CDK20: variants seen among roughly 807,000 people sequenced by gnomAD.
The protein encoded by CDK20 is cyclin dependent kinase 20, also known as cyclin-dependent kinase 20.
In CDK20, 40 loss-of-function variants were observed where a neutral mutation model predicts 38.6. The observed-to-expected ratio is 1.04, with a 90% confidence interval of 0.81 to 1.35. The LOEUF (loss-of-function observed/expected upper bound fraction) is 1.35, where lower values mean the gene tolerates loss of function less well. Among genes scored for constraint, CDK20 ranks in the 40% most tolerant of loss-of-function variants. The pLI is 0.00. For synonymous variants in CDK20, 209 were observed against 185.7 expected, an observed-to-expected ratio of 1.13 and a Z score of -1.02; for missense variants, 512 against 452.6, an observed-to-expected ratio of 1.13 and a Z score of -1.19.
rs1302616811 is a variant in CDK20, at chr9:87,967,848, C to CT, written c.844-190dup. ...GCCGTTAATAAAACAGACAAAAGCT[C>CT]TGTTTTTCTGACATAAGTGAGGGTG... On this transcript the variant is annotated intron_variant, in intron 7 of 7. Transcript: ENST00000325303. 5.5e-6 allele frequency: 3 copies of CT among 544,156 alleles called. No individual in the cohort carries two copies. The East Asian group carries it at 8.7e-5, about 16-fold the overall frequency. 33.7% of individuals were successfully genotyped at this position (544,156 alleles called of 1,614,324 possible).
intron 6 of CDK20, 170 bp from the exon 7 acceptor site, chr9:87,969,519 T>A: frequency 1.2e-6 from 1 of 808,706 alleles, no homozygotes; most frequent in Non-Finnish European, 1.9e-6. Flanking sequence ...TATTCCTTCA[T>A]CCATCCCCTT....
Position 87,969,703 on chromosome 9 carries a change from GGA to G in CDK20, c.687+91_687+92del, listed in dbSNP as rs1829712346. The G allele has an allele frequency of 1.5e-5, 24 of 1,572,440 alleles. No individual in the cohort carries two copies. The East Asian group carries it at 3.2e-4, about 21-fold the overall frequency. ...TGTCCATCAAGGGGGGTTGGGGCCA[GGA>G]GAGAGAAGGTTCAGGGGAGGGAGTG... On this transcript the variant is annotated intron_variant, in intron 6 of 7. Coordinates refer to ENST00000325303, the MANE Select transcript of CDK20 (RefSeq NM_001039803.3).
At chr9:87,970,120 C>T (rs1325961091) in intron 5 of CDK20, 9 of 518,934 alleles carry the variant, frequency 1.7e-5, no homozygotes, top group Non-Finnish European at 2.6e-5. Context: ...TCCAAGACTT[C>T]TCGGAGACTC....
chr9:87,971,616 C>T lies in CDK20; in HGVS notation c.190-281G>A, dbSNP rs28364952. 3.3e-3 allele frequency among the ~76,000 whole-genome samples: 509 copies of T among 152,278 alleles called. 2 individuals are homozygous for T. The highest frequency in any genetic ancestry group is 0.011 in the African/African-American group (476 of 41,568). ...ATCTGGTCCGCCCACCCAGCCTACC[C>T]GCCTGAAAATCATCTGGATGGTCAC... is the stretch of plus-strand genomic sequence containing the variant. On this transcript the variant is annotated intron_variant, in intron 2 of 7. Coordinates refer to ENST00000325303, the MANE Select transcript of CDK20 (RefSeq NM_001039803.3).
intron 2 of CDK20, among the ~76,000 whole-genome samples, chr9:87,971,701 G>A (rs1484893390): frequency 6.6e-6 from 1 of 152,084 alleles, no homozygotes; most frequent in African/African-American, 2.4e-5. Flanking sequence ...CAGCACCAAG[G>A]AAAGGACACC....
chr9:87,971,400 A>G (rs1829851879), intron 2 of CDK20, 65 bp from the exon 3 acceptor site: 1 of 1,468,026 alleles, frequency 6.8e-7, no homozygotes, highest in Admixed American at 2.0e-5. Flanking sequence ...TGACCCTGAG[A>G]CCCCAGCCCA....
chr9:87,970,632 T>C lies in CDK20; in HGVS notation c.501-2A>G. Reference sequence around the variant, plus strand: ...AGGAGCTCGGGGGCTCGGTACCACCTGCGAGGAAGAGGGCTGGCAGGCACT... The same window carrying C: ...AGGAGCTCGGGGGCTCGGTACCACCCGCGAGGAAGAGGGCTGGCAGGCACT... On this transcript the variant is annotated splice_acceptor_variant, in intron 4 of 7. Transcript: ENST00000325303. LOFTEE classifies it high-confidence loss of function. The C allele has an allele frequency of 6.2e-7, 1 of 1,613,960 alleles. No individual in the cohort carries two copies. The highest frequency in any genetic ancestry group is 1.1e-5 in the South Asian group (1 of 91,078).
At chr9:87,967,797 G>T in intron 7 of CDK20, 138 bp from the exon 8 acceptor site, 2 of 707,484 alleles carry the variant, frequency 2.8e-6, no homozygotes, top group Non-Finnish European at 4.5e-6. Context: ...TATGTCTGAA[G>T]CACTATTCCA....
rs1201831713 is a variant in CDK20, at chr9:87,974,395, C to T, written c.52G>A (p.Val18Ile). The change falls in exon 1 of 8, where the codon GTC (valine) becomes ATC (isoleucine). Residue 18 changes from valine (V) to isoleucine (I), a missense_variant. Physicochemically the swap from Val to Ile is conservative, Grantham distance 29 (BLOSUM62 3). Transcript: ENST00000325303. The part of the protein sequence containing the change: ...GRIGEGAHGI[V>I]FKAKHVETGE... The stretch of plus-strand genomic sequence containing the variant: ...ACCTCCACGTGCTTGGCCTTGAAGA[C>T]GATGCCGTGGGCGCCCTCCCCGATG... 1 of 1,612,814 alleles carries T rather than the reference C, an allele frequency of 6.2e-7. No homozygotes were observed. The highest frequency in any genetic ancestry group is 8.5e-7 in the Non-Finnish European group (1 of 1,179,936).
chr9:87,970,031 T>G, intron 5 of CDK20, 112 bp from the exon 6 acceptor site: 1 of 1,292,826 alleles, frequency 7.7e-7, no homozygotes, highest in Non-Finnish European at 1.0e-6. Flanking sequence ...AAGCCAGCCC[T>G]GGAGCCTCAC....
chr9:87,973,987 C>T lies in CDK20; in HGVS notation c.124G>A (p.Asp42Asn), dbSNP rs1414815831. The T allele has an allele frequency of 2.5e-6, 4 of 1,614,176 alleles. No homozygotes were observed. The highest frequency in any genetic ancestry group is 4.5e-5 in the East Asian group (2 of 44,878). Residue 42 changes from aspartate (D) to asparagine (N), a missense_variant, in exon 2 of 8, where the codon GAC becomes AAC. Coordinates refer to ENST00000325303, the MANE Select transcript of CDK20 (RefSeq NM_001039803.3). ...CGCAGGGCCTGGTTAGGGAAGCCGTCCTCCAACCGCCTTAGGGCCACCTTC... is the reference window on the plus strand; with the variant it reads ...CGCAGGGCCTGGTTAGGGAAGCCGTTCTCCAACCGCCTTAGGGCCACCTTC... The part of the protein sequence containing the change: ...LKKVALRRLE[D>N]GFPNQALREI...
At chr9:87,967,775 CTGAGT>C in intron 7 of CDK20, 116 bp from the exon 8 acceptor site, 1 of 879,046 alleles carries the variant, frequency 1.1e-6, no homozygotes, top group Non-Finnish European at 1.7e-6. Flanking sequence ...TGGGTGTTTT[CTGAGT>C]GTCTACTATG....
chr9:87,969,340 C>G lies in CDK20; in HGVS notation c.697G>C (p.Glu233Gln). The G allele has an allele frequency of 6.2e-7, 1 of 1,613,896 alleles. No homozygotes were observed. Among genetic ancestry groups the G allele is most frequent in the Non-Finnish European group, 8.5e-7 (1 of 1,179,920 alleles). ...GAGATCTTGTTGTAGTCCGGCAGCT[C>G]AGTGAGCTCCTGGGCCAGGGAGAAG... ...PNPQVWPELT[E>Q]LPDYNKISFK... Residue 233 changes from glutamate to glutamine, a missense_variant, in exon 7 of 8, where the codon GAG (glutamate) becomes CAG (glutamine). Transcript: ENST00000325303.
At chr9:87,969,043 C>A (rs1467433412) in intron 7 of CDK20, 151 bp downstream of exon 7, 5 of 862,036 alleles carry the variant, frequency 5.8e-6, no homozygotes, top group Non-Finnish European at 8.9e-6. Context: ...AGGCCCCTGT[C>A]CCCTGGGTTC....
chr9:87,969,577 A>G (rs1220858467), intron 6 of CDK20: 2 of 780,254 alleles, frequency 2.6e-6, no homozygotes, highest in Non-Finnish European at 4.1e-6. Context: ...GACACTGCAC[A>G]TGTGTGTACT....
chr9:87,973,862 C>A (rs1440563870), intron 2 of CDK20, 60 bp downstream of exon 2: 4 of 1,550,848 alleles, frequency 2.6e-6, no homozygotes, highest in Admixed American at 3.5e-5. Flanking sequence ...AATGAAGGCA[C>A]AAAGAAGTGG....
At chr9:87,971,643 CAT>C (rs756646255) in intron 2 of CDK20, among the ~76,000 whole-genome samples, 2 of 152,164 alleles carry the variant, frequency 1.3e-5, no homozygotes, top group Admixed American at 6.5e-5. Context: ...GATGGTCACA[CAT>C]GAGATGGACA....
chr9:87,972,622 G>A (rs1464958010), intron 2 of CDK20, among the ~76,000 whole-genome samples: 1 of 152,184 alleles, frequency 6.6e-6, no homozygotes, highest in East Asian at 1.9e-4. Flanking sequence ...TTACACTTTT[G>A]ACAAAGCCCT....
intron 7 of CDK20, 69 bp from the exon 8 acceptor site, chr9:87,967,728 GTTCC>G: frequency 8.1e-6 from 11 of 1,353,922 alleles, no homozygotes; most frequent in Non-Finnish European, 9.9e-6. Flanking sequence ...TCAAGCAGAT[GTTCC>G]TTCATCTATG....
Sources: allele counts gnomAD v4.1 joint callset (sites outside exome capture counted in the v4.1 genomes callset), GRCh38; gene constraint gnomAD v4.1.1; transcripts MANE v1.5; gene names NCBI Gene and HGNC (gene_info 2026-07-23, HGNC 2026-07-21).